The following RAB3C variants were observed in gnomAD, a reference collection of about 807,000 sequenced individuals.
The protein encoded by RAB3C is RAB3C, member RAS oncogene family, also known as ras-related protein Rab-3C.
RAB3C carries 17 observed loss-of-function variants against 26.4 expected under a neutral mutation model. That is an observed-to-expected ratio of 0.64 (90% CI 0.44 to 0.97). The LOEUF is 0.97. Ranked by LOEUF, RAB3C falls within the 50% of genes least tolerant of loss-of-function variation. RAB3C has a pLI of 0.00. For missense variants in RAB3C, 242 were observed against 281.9 expected (o/e 0.86, Z 1.01); for synonymous variants, 91 against 95.9 (o/e 0.95, Z 0.30).
At chr5:58,582,548 T>G, upstream of RAB3C, 1 of 244,826 alleles carries the variant, frequency 4.1e-6, no homozygotes, top group Non-Finnish European at 6.5e-6. Flanking sequence ...TAAACCACTT[T>G]CCTTATGTGT....
chr5:58,651,574 G>A (rs959998035), intron 2 of RAB3C, among the ~76,000 whole-genome samples: 2 of 152,204 alleles, frequency 1.3e-5, no homozygotes, highest in African/African-American at 2.4e-5. Flanking sequence ...ATGTATGCAT[G>A]TGTATGCAAT....
intron 2 of RAB3C, among the ~76,000 whole-genome samples, chr5:58,665,219 C>CAA (rs199649001): frequency 2.6e-5 from 4 of 151,668 alleles, no homozygotes; most frequent in Admixed American, 1.3e-4. Context: ...ATTTAATGCA[C>CAA]AAAAAAAATC....
chr5:58,710,453 G>A (rs2111894817), intron 2 of RAB3C, among the ~76,000 whole-genome samples: 1 of 151,740 alleles, frequency 6.6e-6, no homozygotes, highest in South Asian at 2.1e-4. Flanking sequence ...ACAAAAATTA[G>A]CCCAGCATGG....
chr5:58,695,536 T>C (rs1478849745), intron 2 of RAB3C, among the ~76,000 whole-genome samples: 1 of 152,254 alleles, frequency 6.6e-6, no homozygotes, highest in Admixed American at 6.5e-5. Flanking sequence ...TTCACAATAC[T>C]GATTCTTTCT....
intron 2 of RAB3C, among the ~76,000 whole-genome samples, chr5:58,690,629 T>C (rs1176098974): frequency 1.3e-5 from 2 of 152,128 alleles, no homozygotes; most frequent in African/African-American, 4.8e-5. Context: ...ACATAGTCTC[T>C]CCAACAGGGC....
intron 3 of RAB3C, among the ~76,000 whole-genome samples, chr5:58,788,094 T>C (rs1346812895): frequency 1.3e-5 from 2 of 152,254 alleles, no homozygotes; most frequent in Non-Finnish European, 2.9e-5. Context: ...TCACTGTTTA[T>C]TTCTTCACCA....
At chr5:58,807,818 A>T (rs988454622) in intron 3 of RAB3C, among the ~76,000 whole-genome samples, 3 of 145,898 alleles carry the variant, frequency 2.1e-5, no homozygotes, top group Non-Finnish European at 4.4e-5. Context: ...GGTACTCTCC[A>T]GTAGAATAAA....
intron 1 of RAB3C, among the ~76,000 whole-genome samples, chr5:58,596,367 C>T (rs1284493028): frequency 6.6e-6 from 1 of 150,658 alleles, no homozygotes; most frequent in African/African-American, 2.4e-5. Flanking sequence ...ACTCTTGTCT[C>T]CTGTCTACTT....
At chr5:58,849,119 T>C (rs1290696603) in intron 4 of RAB3C, among the ~76,000 whole-genome samples, 3 of 152,218 alleles carry the variant, frequency 2.0e-5, no homozygotes, top group Non-Finnish European at 4.4e-5. Flanking sequence ...TTGTGTGGAT[T>C]ATCATCTTTT....
At chr5:58,763,674 T>C (rs1449387064) in intron 3 of RAB3C, among the ~76,000 whole-genome samples, 1 of 152,164 alleles carries the variant, frequency 6.6e-6, no homozygotes, top group Admixed American at 6.5e-5. Context: ...AAGAAGCAGT[T>C]CCCCCTTCCC....
intron 1 of RAB3C, among the ~76,000 whole-genome samples, chr5:58,613,282 T>C (rs904333956): frequency 1.3e-5 from 2 of 152,252 alleles, no homozygotes; most frequent in Non-Finnish European, 2.9e-5. Context: ...ACACCAACTT[T>C]TAAAGGTTAA....
intron 1 of RAB3C, among the ~76,000 whole-genome samples, chr5:58,604,465 C>G (rs1032997089): frequency 6.6e-6 from 1 of 152,136 alleles, no homozygotes; most frequent in Non-Finnish European, 1.5e-5. Flanking sequence ...AGCTCAGACT[C>G]TCTTTGAGTG....
intron 3 of RAB3C, among the ~76,000 whole-genome samples, chr5:58,797,224 G>T (rs1742676185): frequency 6.6e-6 from 1 of 150,896 alleles, no homozygotes; most frequent in Non-Finnish European, 1.5e-5. Flanking sequence ...CCAGTTTTTT[G>T]GATACATAAA....
chr5:58,603,848 A>G (rs1360251047), intron 1 of RAB3C, among the ~76,000 whole-genome samples: 1 of 152,130 alleles, frequency 6.6e-6, no homozygotes, highest in East Asian at 1.9e-4. Flanking sequence ...TTGCTGGTGA[A>G]CTAGTGTGAT....
At position 58,629,027 on chromosome 5, in the gene RAB3C, GAAAAAAA is replaced by G. The variant is rs70973148; in HGVS notation, c.252+11179_252+11185del. On this transcript the variant is annotated intron_variant, in intron 2 of 4. Coordinates refer to ENST00000282878, the MANE Select transcript of RAB3C (RefSeq NM_138453.4). ...GCAACATAGTGAGACCTCACTTCTG[GAAAAAAA>G]AAAAAAAAAAAAAAAAAAAAAGGTG... is the stretch of plus-strand genomic sequence containing the variant. 1.4e-3 allele frequency among the ~76,000 whole-genome samples: 77 copies of G among 56,076 alleles called. 1 individual carries two copies. Among genetic ancestry groups the G allele is most frequent in the African/African-American group, 5.0e-3 (69 of 13,870 alleles). The allele number at this position is 56,076 out of a possible 152,430, so 36.8% of individuals were successfully genotyped here. A position where few individuals can be genotyped will look rare whatever the true frequency, so the allele number is the denominator to read the frequency against.
intron 3 of RAB3C, among the ~76,000 whole-genome samples, chr5:58,752,308 T>C (rs1741548373): frequency 1.3e-5 from 2 of 152,094 alleles, no homozygotes; most frequent in South Asian, 4.1e-4. Context: ...AAGACCAAGC[T>C]ATCAGCCCCT....
intron 1 of RAB3C, among the ~76,000 whole-genome samples, chr5:58,607,277 A>G (rs1298903648): frequency 2.6e-5 from 4 of 152,238 alleles, no homozygotes; most frequent in Non-Finnish European, 5.9e-5. Context: ...CACAAACTTC[A>G]ATAGCCAATT....
intron 1 of RAB3C, among the ~76,000 whole-genome samples, chr5:58,596,113 G>A (rs1000707314): frequency 2.0e-5 from 3 of 152,062 alleles, no homozygotes; most frequent in Admixed American, 2.0e-4. Context: ...CCACCACCTA[G>A]CTGGCTGGTT....
At chr5:58,726,209 T>G in intron 3 of RAB3C, 89 bp downstream of exon 3, 1 of 640,056 alleles carries the variant, frequency 1.6e-6, no homozygotes, top group Non-Finnish European at 2.7e-6. Context: ...CATACCGCAA[T>G]GTAATATATG....
Sources: allele counts gnomAD v4.1 joint callset (sites outside exome capture counted in the v4.1 genomes callset), GRCh38; gene constraint gnomAD v4.1.1; transcripts MANE v1.5; gene names NCBI Gene and HGNC (gene_info 2026-07-23, HGNC 2026-07-21).